Variants in GABRG3 observed in about 807,000 individuals in gnomAD.
GABRG3 encodes gamma-aminobutyric acid type A receptor subunit gamma3.
A neutral mutation model predicts 48.8 loss-of-function variants in GABRG3; 25 were observed. The ratio of observed to expected loss-of-function variants is 0.51; its 90% CI spans 0.37 to 0.72. The LOEUF is 0.72. GABRG3 is among the 30% of genes least tolerant of loss of function. GABRG3 has a pLI of 0.00. For missense variants in GABRG3, 394 were observed against 577.9 expected (o/e 0.68, Z 3.26); for synonymous variants, 227 against 217.6 (o/e 1.04, Z -0.38).
chr15:27,261,991 T>A (rs987577883), intron 3 of GABRG3, among the ~76,000 whole-genome samples: 23 of 152,158 alleles, frequency 1.5e-4, no homozygotes, highest in African/African-American at 5.6e-4. Flanking sequence ...TCTTTCTCCC[T>A]CTCTTCCAAC....
chr15:26,997,198 A>G (rs963244208), intron 2 of GABRG3, among the ~76,000 whole-genome samples: 3 of 152,096 alleles, frequency 2.0e-5, no homozygotes, highest in Non-Finnish European at 4.4e-5. Context: ...CTTTAATGAT[A>G]TTATCTGTTT....
At chr15:27,178,179 T>A (rs191067782) in intron 3 of GABRG3, among the ~76,000 whole-genome samples, 7 of 152,308 alleles carry the variant, frequency 4.6e-5, no homozygotes, top group Admixed American at 1.3e-4. Context: ...AGAATTTTTG[T>A]CAACTGTATC....
At chr15:27,289,664 G>C (rs889440771) in intron 3 of GABRG3, among the ~76,000 whole-genome samples, 5 of 152,110 alleles carry the variant, frequency 3.3e-5, no homozygotes, top group Admixed American at 3.3e-4. Context: ...CAGTATACAA[G>C]AATTAAGTGA....
intron 3 of GABRG3, among the ~76,000 whole-genome samples, chr15:27,288,604 C>T (rs143807910): frequency 2.8e-4 from 43 of 151,912 alleles, no homozygotes; most frequent in African/African-American, 9.9e-4. Flanking sequence ...CAGTTGTAAT[C>T]CCAGAAGCTG....
In GABRG3 at chr15:27,307,006, G is replaced by GTTTATATATAAACATATA. The variant is rs1566769768; in HGVS notation, c.271-19802_271-19801insTTATATATAAACATATAT. 3.8e-5 allele frequency among the ~76,000 whole-genome samples: 3 copies of GTTTATATATAAACATATA among 78,598 alleles called. 1 individual carries two copies. The highest frequency in any genetic ancestry group is 7.0e-5 in the Non-Finnish European group (3 of 42,816). The allele number at this position is 78,598 out of a possible 152,430, so 51.6% of individuals were successfully genotyped here. On this transcript the variant is annotated intron_variant, in intron 3 of 9. Coordinates refer to ENST00000615808, the MANE Select transcript of GABRG3 (RefSeq NM_033223.5). ...TATAAACATGTTTATATATAAACAT[G>GTTTATATATAAACATATA]TATAAACATGTTTATATATAAACAT...
At chr15:27,242,935 T>C (rs1453960240) in intron 3 of GABRG3, among the ~76,000 whole-genome samples, 1 of 152,344 alleles carries the variant, frequency 6.6e-6, no homozygotes, top group East Asian at 1.9e-4. Context: ...ATTGAAGCTC[T>C]TAGGACATAT....
intron 3 of GABRG3, among the ~76,000 whole-genome samples, chr15:27,071,413 A>G (rs914559034): frequency 2.6e-5 from 4 of 152,212 alleles, no homozygotes; most frequent in African/African-American, 9.6e-5. Context: ...TACCTGCCCC[A>G]CACCTGCTTT....
chr15:27,346,737 C>G (rs1255421983), intron 5 of GABRG3, among the ~76,000 whole-genome samples: 1 of 152,138 alleles, frequency 6.6e-6, no homozygotes, highest in East Asian at 1.9e-4. Flanking sequence ...CCCTCCTGCT[C>G]AAGGACATTC....
chr15:27,463,970 G>T (rs1219073431), intron 5 of GABRG3, among the ~76,000 whole-genome samples: 1 of 152,076 alleles, frequency 6.6e-6, no homozygotes, highest in Admixed American at 6.5e-5. Flanking sequence ...GCTGTGTGTG[G>T]GTGTGCAAGT....
At chr15:26,987,889 C>CT (rs1444132804) in intron 2 of GABRG3, among the ~76,000 whole-genome samples, 2 of 152,130 alleles carry the variant, frequency 1.3e-5, no homozygotes, top group Non-Finnish European at 2.9e-5. Flanking sequence ...AAAACAGCTC[C>CT]TAATTTCCTT....
chr15:27,260,488 A>T (rs1448715083), intron 3 of GABRG3, among the ~76,000 whole-genome samples: 1 of 152,210 alleles, frequency 6.6e-6, no homozygotes, highest in Non-Finnish European at 1.5e-5. Context: ...TGTAAACAGT[A>T]GGTCTTTATC....
chr15:27,400,384 G>A (rs76985348), intron 5 of GABRG3, among the ~76,000 whole-genome samples: 6,970 of 152,188 alleles, frequency 0.046, 186 homozygotes, highest in Middle Eastern at 0.12. Context: ...AGTCATGTAC[G>A]AAAGTTTCCA....
chr15:27,011,707 G>A (rs960308440), intron 2 of GABRG3, among the ~76,000 whole-genome samples: 1 of 152,030 alleles, frequency 6.6e-6, no homozygotes, highest in African/African-American at 2.4e-5. Flanking sequence ...AATTAGCCGG[G>A]TGTGGTGGTG....
At chr15:27,017,494 A>G (rs935895650) in intron 2 of GABRG3, among the ~76,000 whole-genome samples, 8 of 152,238 alleles carry the variant, frequency 5.3e-5, no homozygotes, top group South Asian at 2.1e-4. Flanking sequence ...TTGTGAGTCC[A>G]CCAACCTGCC....
chr15:27,222,969 G>C (rs1370686648), intron 3 of GABRG3, among the ~76,000 whole-genome samples: 1 of 152,200 alleles, frequency 6.6e-6, no homozygotes. Flanking sequence ...AAGCATAAGA[G>C]ATTCTCCCAC....
At chr15:27,350,361 C>G in intron 5 of GABRG3, 1 of 325,294 alleles carries the variant, frequency 3.1e-6, no homozygotes, top group Non-Finnish European at 6.2e-6. Flanking sequence ...CTACTCAACA[C>G]TGGGAGGAAC....
rs573571769 is a variant in GABRG3, at chr15:27,352,814, G to C, written c.574+23926G>C. On this transcript the variant is annotated intron_variant, in intron 5 of 9. Coordinates refer to ENST00000615808, the MANE Select transcript of GABRG3 (RefSeq NM_033223.5). This position sits in a 1 kb window ranked among gnomAD's most constrained non-coding sequence, Gnocchi z 4.0. ...GTGGAGGGTGCAATATGGGGCCCAGGTATAGCAACACCTAACTCATAGGAC... is the reference window on the plus strand; with the variant it reads ...GTGGAGGGTGCAATATGGGGCCCAGCTATAGCAACACCTAACTCATAGGAC... Among the ~76,000 whole-genome samples, 1 of 152,224 alleles carries C rather than the reference G, an allele frequency of 6.6e-6. No homozygotes were observed. The highest frequency in any genetic ancestry group is 2.4e-5 in the African/African-American group (1 of 41,528).
intron 3 of GABRG3, among the ~76,000 whole-genome samples, chr15:27,056,353 CAAAAA>C (rs58665097): frequency 3.5e-5 from 2 of 57,160 alleles, no homozygotes; most frequent in Non-Finnish European, 7.2e-5. Context: ...ACCCTGTCTC[CAAAAA>C]AAAAAAAAAA....
chr15:27,146,963 T>A (rs1566947037), intron 3 of GABRG3, among the ~76,000 whole-genome samples: 1 of 152,040 alleles, frequency 6.6e-6, no homozygotes, highest in Non-Finnish European at 1.5e-5. Context: ...TGTAAATAGT[T>A]TAAATATTGC....
Sources: allele counts gnomAD v4.1 joint callset (sites outside exome capture counted in the v4.1 genomes callset), GRCh38; gene constraint gnomAD v4.1.1; non-coding constraint Gnocchi (gnomAD v3.1); transcripts MANE v1.5; gene names NCBI Gene and HGNC (gene_info 2026-07-23, HGNC 2026-07-21).